CYP19A1: variants seen among roughly 807,000 people sequenced by gnomAD.
CYP19A1 encodes the protein aromatase.
Under a neutral mutation model 44.4 loss-of-function variants are expected in CYP19A1, and 32 were observed. That is an observed-to-expected ratio of 0.72 (90% CI 0.54 to 0.97). The LOEUF (loss-of-function observed/expected upper bound fraction) is 0.97. Ranked by LOEUF, CYP19A1 falls within the 50% of genes least tolerant of loss-of-function variation. The pLI, the probability that CYP19A1 is intolerant of heterozygous loss-of-function variation, is 0.00. For synonymous variants in CYP19A1, 212 were observed against 215.6 expected, an observed-to-expected ratio of 0.98 and a Z score of 0.14; for missense variants, 598 against 637.8, an observed-to-expected ratio of 0.94 and a Z score of 0.67.
At chr15:51,316,007 A>G (rs1342944929) in intron 1 of CYP19A1, 1 of 152,224 alleles carries the variant, frequency 6.6e-6, no homozygotes, top group Admixed American at 6.5e-5. Flanking sequence ...CTGCTCATCA[A>G]GGAAAAAGCC....
rs555135748 is a variant in CYP19A1 at position 51,288,869 on chromosome 15, C to T, written c.-38-45919G>A. Among the ~76,000 whole-genome samples the T allele has an allele frequency of 1.1e-3, 166 of 152,288 alleles. 2 individuals carry two copies. Among genetic ancestry groups the T allele is most frequent in the Admixed American group, 2.7e-3 (42 of 15,306 alleles). On this transcript the variant is annotated intron_variant, in intron 1 of 9. Coordinates refer to ENST00000396402, the MANE Select transcript of CYP19A1 (RefSeq NM_000103.4). ...CCACCCATAGCGACTAAACCAACAC[C>T]GATGAGACAGCCCTGCCGTCTCCCA...
intron 1 of CYP19A1, among the ~76,000 whole-genome samples, chr15:51,322,897 G>A (rs1435232497): frequency 6.6e-6 from 1 of 152,230 alleles, no homozygotes. Context: ...AGAATTTCAT[G>A]TCTGTAGGGA....
intron 1 of CYP19A1, among the ~76,000 whole-genome samples, chr15:51,335,377 A>G (rs2036760959): frequency 6.6e-6 from 1 of 152,218 alleles, no homozygotes; most frequent in African/African-American, 2.4e-5. Context: ...AAGCAATATC[A>G]TCTATTCTTA....
intron 6 of CYP19A1, 68 bp from the exon 7 acceptor site, chr15:51,215,885 G>A (rs778825853): frequency 6.6e-5 from 106 of 1,603,800 alleles, no homozygotes; most frequent in East Asian, 1.1e-4. Flanking sequence ...AGATTTATTT[G>A]CCATGTATTT....
chr15:51,306,328 A>C (rs2141007293), intron 1 of CYP19A1, among the ~76,000 whole-genome samples: 1 of 152,340 alleles, frequency 6.6e-6, no homozygotes, highest in South Asian at 2.1e-4. Context: ...TTTTTCCTCC[A>C]AAAGAGCCAA....
intron 2 of CYP19A1, among the ~76,000 whole-genome samples, chr15:51,239,812 A>G (rs2033636790): frequency 6.6e-6 from 1 of 152,186 alleles, no homozygotes; most frequent in Non-Finnish European, 1.5e-5. Flanking sequence ...GTTTTCTGTG[A>G]AATATTATCT....
chr15:51,316,124 T>C (rs2036422066), intron 1 of CYP19A1: 1 of 152,172 alleles, frequency 6.6e-6, no homozygotes, highest in Admixed American at 6.5e-5. Flanking sequence ...TCCTCAGTAG[T>C]AAAATGTGGT....
Position 51,227,933 on chromosome 15 carries a change from C to T in CYP19A1, c.297G>A (p.Lys99=). 7 of 1,575,696 alleles carry T rather than the reference C, an allele frequency of 4.4e-6. No homozygotes were observed. The highest frequency in any genetic ancestry group is 6.1e-6 in the Non-Finnish European group (7 of 1,145,068). Residue 99 remains lysine, a splice_region_variant and synonymous_variant, in exon 4 of 10, where the codon AAG becomes AAA. Coordinates refer to ENST00000396402, the MANE Select transcript of CYP19A1 (RefSeq NM_000103.4). ...TCATTATGTGGAACATACTTGAGGACCTGAAAAGACAGGAAACTTTGGTGT... is the reference window on the plus strand; with the variant it reads ...TCATTATGTGGAACATACTTGAGGATCTGAAAAGACAGGAAACTTTGGTGT... ...ISGEETLIIS[K]SSSMFHIMKH... is the part of the protein sequence containing the mutation.
chr15:51,248,602 C>T (rs2034168497), intron 1 of CYP19A1, among the ~76,000 whole-genome samples: 1 of 152,180 alleles, frequency 6.6e-6, no homozygotes, highest in Non-Finnish European at 1.5e-5. Context: ...TCAAATTCTT[C>T]CCTCTGTTTC....
At chr15:51,286,480 T>C (rs565766742) in intron 1 of CYP19A1, among the ~76,000 whole-genome samples, 6 of 152,342 alleles carry the variant, frequency 3.9e-5, no homozygotes, top group African/African-American at 1.4e-4. Flanking sequence ...TGACCCACAG[T>C]ATGGTACCAT....
chr15:51,223,435 T>C (rs1386298253), intron 4 of CYP19A1, among the ~76,000 whole-genome samples: 1 of 152,018 alleles, frequency 6.6e-6, no homozygotes, highest in Admixed American at 6.6e-5. Flanking sequence ...AAGCATCTTT[T>C]AGGAGTAATC....
intron 8 of CYP19A1, among the ~76,000 whole-genome samples, chr15:51,213,703 G>A (rs2031263438): frequency 6.6e-6 from 1 of 152,174 alleles, no homozygotes; most frequent in Non-Finnish European, 1.5e-5. Context: ...ACATTAACAT[G>A]TACACGTACA....
rs531152228 is a variant in CYP19A1 at position 51,297,129 on chromosome 15, G to A, written c.-39+41366C>T. ...AGGTTTGAGGTGGGAACAGGTTCGC[G>A]CAGCCCTAGGATCCCAGACCTTTAG... On this transcript the variant is annotated intron_variant, in intron 1 of 9. Transcript: ENST00000396402. Among the ~76,000 whole-genome samples the A allele has an allele frequency of 5.5e-4, 84 of 152,296 alleles. 1 individual carries two copies. In the South Asian group the frequency reaches 0.017, roughly 30 times the overall value.
Position 51,210,232 on chromosome 15 carries a change from A to T in CYP19A1, c.*576T>A, listed in dbSNP as rs1188499504. 2 of 409,614 alleles carry T rather than the reference A, an allele frequency of 4.9e-6. No homozygotes were observed. Among genetic ancestry groups the T allele is most frequent in the African/African-American group, 2.1e-5 (1 of 48,560 alleles). The allele number at this position is 409,614 out of a possible 1,614,324, so 25.4% of individuals were successfully genotyped here. Reference sequence around the variant, plus strand: ...TGCCACAGACAGATCATATGTAGACAAACAGGAATTAATTGGGCTTAATTC... The same window carrying T: ...TGCCACAGACAGATCATATGTAGACTAACAGGAATTAATTGGGCTTAATTC... On this transcript the variant is annotated 3_prime_UTR_variant, in exon 10 of 10. Coordinates refer to ENST00000396402, the MANE Select transcript of CYP19A1 (RefSeq NM_000103.4).
At chr15:51,227,744 CA>C (rs747732936) in intron 4 of CYP19A1, 34 bp downstream of exon 4, 2 of 789,814 alleles carry the variant, frequency 2.5e-6, no homozygotes, top group Non-Finnish European at 4.1e-6. Flanking sequence ...CATTCATAGA[CA>C]AAAAAGATTG....
intron 1 of CYP19A1, among the ~76,000 whole-genome samples, chr15:51,276,894 T>C (rs2035328276): frequency 6.6e-6 from 1 of 152,108 alleles, no homozygotes; most frequent in Non-Finnish European, 1.5e-5. Flanking sequence ...ATTGTGTTGG[T>C]TTTGAATGCC....
At chr15:51,289,837 C>T (rs749174527) in intron 1 of CYP19A1, among the ~76,000 whole-genome samples, 72 of 152,278 alleles carry the variant, frequency 4.7e-4, no homozygotes, top group Non-Finnish European at 9.3e-4. Flanking sequence ...GGAGGGGCTG[C>T]GGAAGAGTCT....
rs201118855 is a variant in CYP19A1, at chr15:51,215,738, A to G, written c.823T>C (p.Cys275Arg). The G allele has an allele frequency of 3.7e-5, 59 of 1,613,926 alleles. No homozygotes were observed. The highest frequency in any genetic ancestry group is 3.3e-4 in the East Asian group (15 of 44,866). ...RISTEEKLEE[C>R]MDFATELILA... ...ATCAACTCAGTGGCAAAGTCCATAC[A>G]TTCTTCCAGTTTCTCTTCTGTGGAA... The change falls in exon 7 of 10, where the codon TGT becomes CGT. Residue 275 changes from cysteine (C) to arginine (R), a missense_variant. Physicochemically the swap from Cys to Arg is radical, Grantham distance 180. Coordinates refer to ENST00000396402, the MANE Select transcript of CYP19A1 (RefSeq NM_000103.4).
At position 51,227,896 on chromosome 15, in the gene CYP19A1, A is replaced by G; in HGVS notation, c.334T>C (p.Tyr112His). ...AGTTTGCTGCCGAATCGAGAGCTGT[A>G]ATGATTGTGCTTCATTATGTGGAAC... Reference protein sequence around the residue: ...SMFHIMKHNHYSSRFGSKLGL... With the variant: ...SMFHIMKHNHHSSRFGSKLGL... The change falls in exon 4 of 10, where the codon TAC (tyrosine) becomes CAC (histidine). Residue 112 changes from tyrosine to histidine, a missense_variant. Tyr to His is a moderately conservative substitution (Grantham distance 83, BLOSUM62 2). Coordinates refer to ENST00000396402, the MANE Select transcript of CYP19A1 (RefSeq NM_000103.4). The G allele has an allele frequency of 3.8e-6, 6 of 1,594,538 alleles. No individual in the cohort carries two copies. The highest frequency in any genetic ancestry group is 5.2e-6 in the Non-Finnish European group (6 of 1,162,146).
Sources: allele counts gnomAD v4.1 joint callset (sites outside exome capture counted in the v4.1 genomes callset), GRCh38; gene constraint gnomAD v4.1.1; transcripts MANE v1.5; gene names NCBI Gene and HGNC (gene_info 2026-07-23, HGNC 2026-07-21).